KCNH8: variants seen among roughly 807,000 people sequenced by gnomAD.
KCNH8 encodes potassium voltage-gated channel subfamily H member 8, also known as voltage-gated delayed rectifier potassium channel KCNH8.
A neutral mutation model predicts 103.6 loss-of-function variants in KCNH8; 70 were observed. The ratio of observed to expected loss-of-function variants is 0.68; its 90% CI spans 0.56 to 0.82. The LOEUF is 0.82. Among genes scored for constraint, KCNH8 ranks in the 40% least tolerant of loss-of-function variants. The pLI is 0.00. For missense variants in KCNH8, 1,217 were observed against 1,329.9 expected, an observed-to-expected ratio of 0.92 and a Z score of 1.32; for synonymous variants, 498 against 489.4, an observed-to-expected ratio of 1.02 and a Z score of -0.23.
chr3:19,400,255 A>G (rs979139273), intron 7 of KCNH8, among the ~76,000 whole-genome samples: 1 of 149,494 alleles, frequency 6.7e-6, no homozygotes, highest in African/African-American at 2.5e-5. Flanking sequence ...AAAAAAAAAA[A>G]GCATCATAAT....
At chr3:19,354,892 A>C (rs1464693131) in intron 5 of KCNH8, among the ~76,000 whole-genome samples, 1 of 152,222 alleles carries the variant, frequency 6.6e-6, no homozygotes, top group African/African-American at 2.4e-5. Context: ...GGATTTAATT[A>C]AACTAAAGAG....
intron 1 of KCNH8, among the ~76,000 whole-genome samples, chr3:19,203,205 C>G (rs1274023594): frequency 6.6e-6 from 1 of 151,986 alleles, no homozygotes; most frequent in Non-Finnish European, 1.5e-5. Flanking sequence ...TTTATAATTG[C>G]ACTTGAAAAT....
At position 19,456,829 on chromosome 3, in the gene KCNH8, A is replaced by G. The variant is rs1361093041; in HGVS notation, c.1887A>G (p.Ala629=). 1.9e-6 allele frequency: 3 copies of G among 1,612,458 alleles called. No individual in the cohort carries two copies. Among genetic ancestry groups the G allele is most frequent in the Non-Finnish European group, 2.5e-6 (3 of 1,178,928 alleles). Residue 629 remains alanine (A), a synonymous_variant, in exon 11 of 16, where the codon GCA becomes GCG. Transcript: ENST00000328405. ...AGGACCAAGTGATCAAGACCAATGCAGATGTAAAGGCTTTAACCTACTGTG... is the reference window on the plus strand; with the variant it reads ...AGGACCAAGTGATCAAGACCAATGCGGATGTAAAGGCTTTAACCTACTGTG... ...SIKDQVIKTN[A]DVKALTYCDL... is the part of the protein sequence containing the mutation.
At chr3:19,524,176 A>G (rs1351333573) in intron 15 of KCNH8, among the ~76,000 whole-genome samples, 1 of 151,872 alleles carries the variant, frequency 6.6e-6, no homozygotes. Flanking sequence ...CTTTTCATTG[A>G]CAATTGAGTC....
At chr3:19,456,232 T>C (rs2067530293) in intron 10 of KCNH8, among the ~76,000 whole-genome samples, 1 of 152,052 alleles carries the variant, frequency 6.6e-6, no homozygotes, top group Admixed American at 6.6e-5. Context: ...ATCTAATAAT[T>C]TTAAAACTCT....
chr3:19,484,157 T>C (rs1466158686), intron 11 of KCNH8, among the ~76,000 whole-genome samples: 1 of 152,152 alleles, frequency 6.6e-6, no homozygotes, highest in Admixed American at 6.5e-5. Context: ...TCCTCACCAG[T>C]CTTTAGTTCT....
At chr3:19,393,217 T>A (rs1284905625) in intron 6 of KCNH8, among the ~76,000 whole-genome samples, 1 of 152,046 alleles carries the variant, frequency 6.6e-6, no homozygotes, top group Non-Finnish European at 1.5e-5. Context: ...CAGATACATA[T>A]TTCCATCTAA....
chr3:19,209,883 T>G (rs144526540), intron 1 of KCNH8, among the ~76,000 whole-genome samples: 7 of 152,144 alleles, frequency 4.6e-5, no homozygotes, highest in African/African-American at 1.7e-4. Flanking sequence ...CAGTGTAATG[T>G]GTAGTCCCTA....
At chr3:19,402,837 C>G (rs1475011057) in intron 7 of KCNH8, among the ~76,000 whole-genome samples, 1 of 151,822 alleles carries the variant, frequency 6.6e-6, no homozygotes, top group Admixed American at 6.6e-5. Flanking sequence ...GGAAGTTATG[C>G]TTGTTCCGTA....
intron 11 of KCNH8, among the ~76,000 whole-genome samples, chr3:19,470,036 T>C (rs2067823437): frequency 6.6e-6 from 1 of 152,118 alleles, no homozygotes; most frequent in Non-Finnish European, 1.5e-5. Flanking sequence ...GGAAAGTAGT[T>C]ACTTTCACCC....
chr3:19,532,100 A>G (rs1184179045), intron 15 of KCNH8, among the ~76,000 whole-genome samples: 1 of 152,160 alleles, frequency 6.6e-6, no homozygotes, highest in African/African-American at 2.4e-5. Context: ...GTGAAATTCA[A>G]TTTTCTGGTG....
chr3:19,341,935 C>G (rs1276039841), intron 3 of KCNH8, among the ~76,000 whole-genome samples: 3 of 151,996 alleles, frequency 2.0e-5, no homozygotes, highest in Admixed American at 1.3e-4. Context: ...TGAATAAACT[C>G]AAAACTGTAT....
chr3:19,152,396 A>T (rs944039009), intron 1 of KCNH8, among the ~76,000 whole-genome samples: 1 of 152,190 alleles, frequency 6.6e-6, no homozygotes, highest in Middle Eastern at 3.2e-3. Flanking sequence ...GGAAGTATCC[A>T]TTTTCAAACA....
chr3:19,475,450 A>G (rs879841784), intron 11 of KCNH8, among the ~76,000 whole-genome samples: 7 of 152,172 alleles, frequency 4.6e-5, no homozygotes, highest in Non-Finnish European at 8.8e-5. Context: ...TTGCCATGTG[A>G]TAACTCTAAA....
rs548113529 is a variant in KCNH8 at position 19,174,874 on chromosome 3, A to G, written c.76+26079A>G. 1.2e-4 allele frequency among the ~76,000 whole-genome samples: 18 copies of G among 152,316 alleles called. No individual in the cohort carries two copies. In the South Asian group the frequency reaches 2.9e-3, roughly 25 times the overall value. On this transcript the variant is annotated intron_variant, in intron 1 of 15. Coordinates refer to ENST00000328405, the MANE Select transcript of KCNH8 (RefSeq NM_144633.3). ...AGAAAAGGAATATTTGAGTCCATCC[A>G]TGGTTGTTTTGTTTCTGTTAATGAA...
chr3:19,497,011 T>C (rs532186944), intron 11 of KCNH8, among the ~76,000 whole-genome samples: 1 of 152,330 alleles, frequency 6.6e-6, no homozygotes, highest in Non-Finnish European at 1.5e-5. Flanking sequence ...TTTATCAGTT[T>C]CTTCTAGATT....
chr3:19,455,739 T>C (rs1250014601), intron 10 of KCNH8, among the ~76,000 whole-genome samples: 3 of 152,036 alleles, frequency 2.0e-5, no homozygotes, highest in Non-Finnish European at 4.4e-5. Flanking sequence ...GATGCCAAGA[T>C]TGGCAGGATG....
rs372044626 is a variant in KCNH8, at chr3:19,332,848, G to A, written c.443-9739G>A. Among the ~76,000 whole-genome samples the A allele has an allele frequency of 8.5e-5, 13 of 152,160 alleles. 1 individual carries two copies. Among genetic ancestry groups the A allele is most frequent in the Admixed American group, 4.6e-4 (7 of 15,282 alleles). On this transcript the variant is annotated intron_variant, in intron 3 of 15. Coordinates refer to ENST00000328405, the MANE Select transcript of KCNH8 (RefSeq NM_144633.3). Reference sequence around the variant, plus strand: ...GGGTTTCATCATGTTGAACAGGCTGGTCTTGAACTCCTGACCTCAAGTGAT... The same window carrying A: ...GGGTTTCATCATGTTGAACAGGCTGATCTTGAACTCCTGACCTCAAGTGAT...
intron 5 of KCNH8, among the ~76,000 whole-genome samples, chr3:19,378,809 C>T (rs1233729909): frequency 6.6e-6 from 1 of 152,182 alleles, no homozygotes; most frequent in Non-Finnish European, 1.5e-5. Flanking sequence ...ATCCTTTACT[C>T]ACAAACTTCA....
Sources: allele counts gnomAD v4.1 joint callset (sites outside exome capture counted in the v4.1 genomes callset), GRCh38; gene constraint gnomAD v4.1.1; transcripts MANE v1.5; gene names NCBI Gene and HGNC (gene_info 2026-07-23, HGNC 2026-07-21).